Variants in SAMMSON observed in about 807,000 individuals in gnomAD.
SAMMSON encodes the protein long intergenic non-protein coding RNA 1212.
chr3:70,344,523 C>G (rs928350884), intron 7 of SAMMSON, among the ~76,000 whole-genome samples: 1 of 152,206 alleles, frequency 6.6e-6, no homozygotes. Flanking sequence ...CTGATTCTTC[C>G]TGGACACCAG....
At chr3:70,073,644 TCTTTCCC>T (rs1219622374) in intron 4 of SAMMSON, among the ~76,000 whole-genome samples, 3 of 152,046 alleles carry the variant, frequency 2.0e-5, no homozygotes, top group Non-Finnish European at 2.9e-5. Flanking sequence ...TTTCTTTCTC[TCTTTCCC>T]CTTTCCCTCT....
chr3:70,403,219 C>T (rs1195093306), intron 2 of SAMMSON, among the ~76,000 whole-genome samples: 1 of 152,170 alleles, frequency 6.6e-6, no homozygotes, highest in Non-Finnish European at 1.5e-5. Context: ...CAGACAAAAA[C>T]ATATTTGACT....
At chr3:70,094,382 T>C (rs1379873625) in intron 4 of SAMMSON, among the ~76,000 whole-genome samples, 5 of 152,138 alleles carry the variant, frequency 3.3e-5, no homozygotes, top group Non-Finnish European at 7.4e-5. Context: ...TACGTGAGCC[T>C]CCCACTTCCC....
At chr3:70,339,447 A>G (rs979816637) in intron 7 of SAMMSON, among the ~76,000 whole-genome samples, 2 of 152,206 alleles carry the variant, frequency 1.3e-5, no homozygotes, top group African/African-American at 4.8e-5. Flanking sequence ...AAAAGAAACT[A>G]CCATCAGAGT....
At chr3:70,412,978 T>G (rs1326381187) in intron 2 of SAMMSON, among the ~76,000 whole-genome samples, 1 of 152,110 alleles carries the variant, frequency 6.6e-6, no homozygotes, top group Non-Finnish European at 1.5e-5. Flanking sequence ...AACAGTTATT[T>G]TGTTGTTGTT....
chr3:70,342,805 A>G (rs1419851480), intron 7 of SAMMSON, among the ~76,000 whole-genome samples: 5 of 152,124 alleles, frequency 3.3e-5, no homozygotes, highest in African/African-American at 1.2e-4. Context: ...CTTTTTGTCT[A>G]GGTCTCTTTC....
At position 70,021,738 on chromosome 3, in the gene SAMMSON, A is replaced by T. The variant is rs576599847; in HGVS notation, n.417+8066A>T. ...TTTGGGATTGTTTTCAAGCCACCAG[A>T]GTAATTGGACTGTAGCCTGCTCCAA... On this transcript the variant is annotated intron_variant and non_coding_transcript_variant, in intron 3 of 9. Transcript: ENST00000642114. Among the ~76,000 whole-genome samples the T allele has an allele frequency of 2.0e-5, 3 of 152,242 alleles. No homozygotes were observed. The East Asian group carries it at 5.8e-4, about 29-fold the overall frequency.
At chr3:70,067,634 G>T (rs1414307919) in intron 3 of SAMMSON, among the ~76,000 whole-genome samples, 1 of 152,066 alleles carries the variant, frequency 6.6e-6, no homozygotes, top group African/African-American at 2.4e-5. Flanking sequence ...AGTCTGAATT[G>T]GTCAAGAAGG....
At chr3:70,264,352 G>A (rs1701895914) in intron 6 of SAMMSON, among the ~76,000 whole-genome samples, 1 of 152,128 alleles carries the variant, frequency 6.6e-6, no homozygotes, top group Non-Finnish European at 1.5e-5. Context: ...ATCTGCTCTT[G>A]TTTAGTCTTC....
At chr3:70,386,604 G>T (rs1364606013) in intron 9 of SAMMSON, among the ~76,000 whole-genome samples, 1 of 152,030 alleles carries the variant, frequency 6.6e-6, no homozygotes, top group Non-Finnish European at 1.5e-5. Flanking sequence ...TTGGCAGATG[G>T]AGGATTTGGA....
At chr3:70,125,473 A>T (rs1467212190) in intron 4 of SAMMSON, 3 of 789,268 alleles carry the variant, frequency 3.8e-6, no homozygotes, top group Non-Finnish European at 2.1e-6. Flanking sequence ...ATGGCATTTC[A>T]TCAGAGTCTT....
chr3:70,005,380 G>A (rs1472109), intron 1 of SAMMSON, among the ~76,000 whole-genome samples: 48,703 of 151,402 alleles, frequency 0.32, 8,252 homozygotes, highest in East Asian at 0.56. Flanking sequence ...TGGGCTGGGA[G>A]CTACAAGAAG....
intron 4 of SAMMSON, among the ~76,000 whole-genome samples, chr3:70,222,558 A>G (rs969792162): frequency 4.6e-5 from 7 of 152,194 alleles, no homozygotes; most frequent in African/African-American, 2.4e-5. Context: ...TTGAATTCCA[A>G]ATAAATTTGA....
intron 7 of SAMMSON, among the ~76,000 whole-genome samples, chr3:70,298,370 T>C (rs769142957): frequency 2.0e-5 from 3 of 152,140 alleles, no homozygotes. Flanking sequence ...GCCATGTTTT[T>C]GTTTAGTTAG....
At chr3:70,376,183 A>C (rs2058891) in intron 9 of SAMMSON, among the ~76,000 whole-genome samples, 1 of 151,936 alleles carries the variant, frequency 6.6e-6, no homozygotes, top group Non-Finnish European at 1.5e-5. Context: ...TTATTCAGGA[A>C]TAACAATTTT....
In SAMMSON at chr3:70,407,170, A is replaced by C. The variant is rs184018188; in HGVS notation, n.233+48846A>C. On this transcript the variant is annotated intron_variant and non_coding_transcript_variant, in intron 2 of 3. Transcript: ENST00000641053. Reference sequence around the variant, plus strand: ...AATTATCCCCCACCAGGTCCCTCCCACAACACATGGGAATTATGGGAGTAC... The same window carrying C: ...AATTATCCCCCACCAGGTCCCTCCCCCAACACATGGGAATTATGGGAGTAC... Among the ~76,000 whole-genome samples the C allele has an allele frequency of 6.2e-4, 94 of 152,324 alleles. 3 individuals carry two copies. The highest frequency in any genetic ancestry group is 6.5e-4 in the Admixed American group (10 of 15,296).
intron 4 of SAMMSON, among the ~76,000 whole-genome samples, chr3:70,219,881 G>A (rs1040879208): frequency 6.6e-6 from 1 of 152,124 alleles, no homozygotes; most frequent in Admixed American, 6.6e-5. Context: ...TCCTGGAGAA[G>A]AAACCAAAAC....
chr3:70,043,036 G>A (rs1382907823), intron 3 of SAMMSON, among the ~76,000 whole-genome samples: 1 of 152,138 alleles, frequency 6.6e-6, no homozygotes, highest in East Asian at 1.9e-4. Context: ...AAGAGAAGTT[G>A]TCCTTTTTCA....
chr3:70,324,509 A>G (rs989884334), intron 7 of SAMMSON, among the ~76,000 whole-genome samples: 6 of 152,174 alleles, frequency 3.9e-5, no homozygotes, highest in African/African-American at 1.4e-4. Flanking sequence ...CCTAATACAT[A>G]TTCACATAGT....
Sources: gnomAD v4.1 joint callset for allele counts (sites outside exome capture counted in the v4.1 genomes callset) on GRCh38, gnomAD v4.1.1 for gene constraint, MANE v1.5 for transcripts, NCBI Gene and HGNC (gene_info 2026-07-23, HGNC 2026-07-21) for gene names.